Variants in CCDC171 observed in about 807,000 individuals in gnomAD.
The protein encoded by CCDC171 is coiled-coil domain-containing protein 171.
CCDC171 carries 177 observed loss-of-function variants against 168.2 expected under a neutral mutation model. That is an observed-to-expected ratio of 1.05 (90% CI 0.93 to 1.19). The LOEUF is 1.19. CCDC171 is among the 50% of genes most tolerant of loss of function. The pLI is 0.00. For synonymous variants in CCDC171, 687 were observed against 540.8 expected (o/e 1.27, Z -3.75); for missense variants, 1,991 against 1,539.0 (o/e 1.29, Z -4.91).
intron 21 of CCDC171, among the ~76,000 whole-genome samples, chr9:15,791,091 G>C (rs1254806278): frequency 2.0e-5 from 3 of 152,102 alleles, no homozygotes; most frequent in South Asian, 2.1e-4. Context: ...CTCTTTTTTG[G>C]TTCCATATGA....
chr9:16,084,043 A>G, the CCDC171 span, among the ~76,000 whole-genome samples: 1 of 152,210 alleles, frequency 6.6e-6, no homozygotes, highest in Non-Finnish European at 1.5e-5. Context: ...GCTCTTACAG[A>G]ATATCCCATT....
In CCDC171 at chr9:15,729,725, G is replaced by T. The variant is rs779785395; in HGVS notation, c.1976G>T (p.Cys659Phe). ...VAEQIKAQES[C>F]WHRQKKELEL... is the part of the protein sequence containing the mutation. ...GAACAGATCAAAGCCCAAGAGAGCTGCTGGCACAGACAAAAGAAGGAACTA... is the reference window on the plus strand; with the variant it reads ...GAACAGATCAAAGCCCAAGAGAGCTTCTGGCACAGACAAAAGAAGGAACTA... The change falls in exon 16 of 26, where the codon TGC becomes TTC. Residue 659 changes from cysteine (C) to phenylalanine (F), a missense_variant. Coordinates refer to ENST00000380701, the MANE Select transcript of CCDC171 (RefSeq NM_173550.4). 1.9e-6 allele frequency: 3 copies of T among 1,613,374 alleles called. No homozygotes were observed. Among genetic ancestry groups the T allele is most frequent in the Admixed American group, 3.3e-5 (2 of 59,950 alleles).
intron 3 of CCDC171, among the ~76,000 whole-genome samples, chr9:16,010,069 A>G (rs931363758): frequency 1.3e-5 from 2 of 152,202 alleles, no homozygotes; most frequent in African/African-American, 4.8e-5. Context: ...AAGTGCCTCA[A>G]CAGAGTACCC....
chr9:15,853,065 TA>T (rs1462124770), intron 23 of CCDC171, among the ~76,000 whole-genome samples: 1 of 151,664 alleles, frequency 6.6e-6, no homozygotes, highest in African/African-American at 2.4e-5. Context: ...AGTTCTCTCA[TA>T]AAATTCCATG....
intron 4 of CCDC171, among the ~76,000 whole-genome samples, chr9:15,582,226 A>G (rs909915128): frequency 5.9e-5 from 9 of 152,364 alleles, no homozygotes; most frequent in African/African-American, 1.9e-4. Context: ...AACCACAATG[A>G]GTTGTCATCT....
chr9:15,699,409 G>A (rs1464674172), intron 11 of CCDC171, among the ~76,000 whole-genome samples: 1 of 152,194 alleles, frequency 6.6e-6, no homozygotes, highest in Non-Finnish European at 1.5e-5. Context: ...CTTCCACAGT[G>A]TGGAAGGGGA....
Position 15,745,708 on chromosome 9 carries a change from T to C in CCDC171, c.2671+77T>C, listed in dbSNP as rs2055224109. ...CAGAAATTCTTTATGTCACAAATTC[T>C]AATAAAACATATAGGGGGAAATATA... On this transcript the variant is annotated intron_variant, in intron 18 of 25. Transcript: ENST00000380701. 3 of 773,324 alleles carry C rather than the reference T, an allele frequency of 3.9e-6. No homozygotes were observed. The South Asian group carries it at 6.2e-5, about 16-fold the overall frequency. The allele number at this position is 773,324 out of a possible 1,614,324, so 47.9% of individuals were successfully genotyped here. A position where few individuals can be genotyped will look rare whatever the true frequency, so the allele number is the denominator to read the frequency against.
chr9:15,969,212 T>C (rs1278709983), intron 25 of CCDC171, among the ~76,000 whole-genome samples: 1 of 152,140 alleles, frequency 6.6e-6, no homozygotes, highest in Non-Finnish European at 1.5e-5. Context: ...TCAGACGACA[T>C]AGTGGAAAGT....
chr9:15,575,638 T>G (rs901425053), intron 3 of CCDC171, among the ~76,000 whole-genome samples: 6 of 152,174 alleles, frequency 3.9e-5, no homozygotes, highest in Non-Finnish European at 5.9e-5. Flanking sequence ...TGGGGAAAAC[T>G]TATAATTTTA....
chr9:15,844,159 G>A (rs1342392153), intron 21 of CCDC171, among the ~76,000 whole-genome samples: 1 of 152,034 alleles, frequency 6.6e-6, no homozygotes, highest in Non-Finnish European at 1.5e-5. Context: ...GTTGCCTAGA[G>A]GCGCGCCCTC....
rs1486840452 is a variant in CCDC171 at position 15,993,184 on chromosome 9, A to G, written n.369-27405A>G. Reference sequence around the variant, plus strand: ...AAAGCTGGAGGCATCATGCTACCTGACTTCAAACTATACTACATGGCTACA... The same window carrying G: ...AAAGCTGGAGGCATCATGCTACCTGGCTTCAAACTATACTACATGGCTACA... On this transcript the variant is annotated intron_variant and non_coding_transcript_variant, in intron 3 of 9. Transcript: ENST00000486641. Among the ~76,000 whole-genome samples, 3 of 151,890 alleles carry G rather than the reference A, an allele frequency of 2.0e-5. No homozygotes were observed. In the East Asian group the frequency reaches 5.8e-4, roughly 29 times the overall value.
chr9:16,062,561 G>A (rs1190289617), downstream of CCDC171, among the ~76,000 whole-genome samples: 6 of 152,006 alleles, frequency 3.9e-5, no homozygotes, highest in East Asian at 9.6e-4. Flanking sequence ...AAGAAATGTT[G>A]GAAAGAAAAC....
intron 19 of CCDC171, among the ~76,000 whole-genome samples, chr9:15,778,099 C>T (rs371585332): frequency 1.3e-3 from 188 of 146,914 alleles, no homozygotes; most frequent in African/African-American, 4.5e-3. Context: ...AGATCGAGAC[C>T]ATCCTGGCTA....
the CCDC171 span, among the ~76,000 whole-genome samples, chr9:16,108,046 G>A: frequency 6.6e-6 from 1 of 152,158 alleles, no homozygotes; most frequent in African/African-American, 2.4e-5. Flanking sequence ...GAAAGTTCAG[G>A]GTCAGCGGTA....
chr9:16,065,444 C>T (rs1006544994), downstream of CCDC171, among the ~76,000 whole-genome samples: 1 of 152,108 alleles, frequency 6.6e-6, no homozygotes, highest in Non-Finnish European at 1.5e-5. Context: ...GAGCTGGTTC[C>T]TTTCACCTTG....
intron 24 of CCDC171, among the ~76,000 whole-genome samples, chr9:15,911,284 C>T (rs1477623778): frequency 6.6e-6 from 1 of 152,214 alleles, no homozygotes; most frequent in Non-Finnish European, 1.5e-5. Flanking sequence ...ATTTGCCTTT[C>T]TCTAATGACC....
chr9:15,986,243 A>G (rs1282785512), intron 3 of CCDC171, among the ~76,000 whole-genome samples: 1 of 152,244 alleles, frequency 6.6e-6, no homozygotes, highest in African/African-American at 2.4e-5. Context: ...ACCAATATGT[A>G]TTACGTTGAT....
intron 3 of CCDC171, among the ~76,000 whole-genome samples, chr9:15,577,965 C>A (rs1218381972): frequency 6.6e-6 from 1 of 152,194 alleles, no homozygotes; most frequent in African/African-American, 2.4e-5. Flanking sequence ...TTGTCTCTGA[C>A]CTTCTGTCAT....
chr9:15,599,327 C>G (rs907699591), intron 6 of CCDC171, among the ~76,000 whole-genome samples: 1 of 152,116 alleles, frequency 6.6e-6, no homozygotes. Context: ...TTCAGGAGCT[C>G]TTTTAGGGCA....
Sources: allele counts gnomAD v4.1 joint callset (sites outside exome capture counted in the v4.1 genomes callset), GRCh38; gene constraint gnomAD v4.1.1; transcripts MANE v1.5; gene names NCBI Gene and HGNC (gene_info 2026-07-23, HGNC 2026-07-21).